Variants in FGF13 observed in about 807,000 individuals in gnomAD.
The protein encoded by FGF13 is fibroblast growth factor homologous factor 2.
FGF13 carries 2 observed loss-of-function variants against 19.5 expected under a neutral mutation model. The ratio of observed to expected loss-of-function variants is 0.10; its 90% CI spans 0.04 to 0.32. The LOEUF (loss-of-function observed/expected upper bound fraction) is 0.32. Among genes scored for constraint, FGF13 ranks in the 10% least tolerant of loss-of-function variants. The pLI is 1.00. For missense variants in FGF13, 113 were observed against 192.7 expected, an observed-to-expected ratio of 0.59 and a Z score of 2.45; for synonymous variants, 72 against 76.9, an observed-to-expected ratio of 0.94 and a Z score of 0.33.
intron 3 of FGF13, among the ~76,000 whole-genome samples, chrX:138,670,231 C>T (rs1019251362): frequency 5.4e-5 from 6 of 111,689 alleles, no homozygotes; most frequent in African/African-American, 1.6e-4. Flanking sequence ...ATTCCAATTT[C>T]GCTACTTTGA....
intron 3 of FGF13, among the ~76,000 whole-genome samples, chrX:138,830,687 T>TTGTGTG (rs144759178): frequency 0.1 from 8,695 of 87,323 alleles, 408 homozygotes; most frequent in South Asian, 0.17. Context: ...AAAGGGGTGT[T>TTGTGTG]TGTGTGTGTG....
chrX:139,170,919 C>T (rs369007524), intron 1 of FGF13, among the ~76,000 whole-genome samples: 64 of 111,734 alleles, frequency 5.7e-4, no homozygotes, highest in African/African-American at 1.7e-3. Context: ...GAAAAAAGTG[C>T]GTTCTGTTAG....
chrX:139,124,369 G>A (rs2083699994), intron 1 of FGF13, among the ~76,000 whole-genome samples: 1 of 111,927 alleles, frequency 8.9e-6, no homozygotes, highest in Non-Finnish European at 1.9e-5. Context: ...ATCAGATATG[G>A]GAATTTAGCT....
chrX:138,663,884 C>T (rs1200884041), intron 3 of FGF13, among the ~76,000 whole-genome samples: 1 of 111,748 alleles, frequency 8.9e-6, no homozygotes. Context: ...CTTCACTCAA[C>T]ATAACTGCAG....
At chrX:138,697,958 CCTT>C (rs1379007128) in intron 3 of FGF13, among the ~76,000 whole-genome samples, 3 of 111,368 alleles carry the variant, frequency 2.7e-5, no homozygotes, top group Non-Finnish European at 5.7e-5. Flanking sequence ...GTGTACAACT[CCTT>C]ATTATTGCTA....
chrX:139,182,444 T>C (rs1437197745), intron 1 of FGF13, among the ~76,000 whole-genome samples: 1 of 112,431 alleles, frequency 8.9e-6, no homozygotes, highest in Non-Finnish European at 1.9e-5. Context: ...TGAAGTGTCA[T>C]AAGGTGGCTT....
At chrX:138,856,327 A>C (rs190322214), downstream of FGF13, among the ~76,000 whole-genome samples, 57 of 111,645 alleles carry the variant, frequency 5.1e-4, 1 homozygote, top group Admixed American at 2.6e-3. Flanking sequence ...GATTGTCTTA[A>C]ACTCTATTTG....
chrX:138,969,801 A>G (rs2091908365), intron 1 of FGF13, among the ~76,000 whole-genome samples: 1 of 112,060 alleles, frequency 8.9e-6, no homozygotes, highest in South Asian at 3.7e-4. Context: ...ACCTGACTCA[A>G]TGACTATATC....
upstream of FGF13, among the ~76,000 whole-genome samples, chrX:138,741,288 A>C (rs2090316372): frequency 8.9e-6 from 1 of 111,971 alleles, no homozygotes; most frequent in East Asian, 2.8e-4. Flanking sequence ...ATAGCTTCTT[A>C]TAATGGCCCT....
intron 1 of FGF13, among the ~76,000 whole-genome samples, chrX:139,044,966 C>T (rs1044849808): frequency 2.7e-5 from 3 of 111,875 alleles, no homozygotes; most frequent in African/African-American, 9.8e-5. Flanking sequence ...GTGGGGCCTT[C>T]GACTCCACAT....
chrX:139,044,919 A>C (rs2092281958), intron 1 of FGF13, among the ~76,000 whole-genome samples: 1 of 111,129 alleles, frequency 9.0e-6, no homozygotes, highest in African/African-American at 3.3e-5. Flanking sequence ...CCCCCATCCC[A>C]CAGCTCCACT....
chrX:138,928,368 T>G (rs1320638599), intron 1 of FGF13, among the ~76,000 whole-genome samples: 2 of 111,083 alleles, frequency 1.8e-5, no homozygotes, highest in African/African-American at 6.5e-5. Context: ...AATATATATC[T>G]TATTTTTGGA....
In FGF13 at chrX:138,703,086, A is replaced by T; in HGVS notation, c.300T>A (p.Thr100=). 8.4e-7 allele frequency: 1 copy of T among 1,183,482 alleles called. No individual in the cohort carries two copies. The highest frequency in any genetic ancestry group is 1.1e-6 in the Non-Finnish European group (1 of 870,387). ...DGTKDEDSTY[T]LFNLIPVGLR... is the part of the protein sequence containing the mutation. ...GACCCACAGGGATGAGGTTAAACAG[A>T]GCTGAAATTAAAAAAGAAAATGAAA... The change falls in exon 3 of 5, where the codon ACT becomes ACA. Residue 100 remains threonine, a splice_region_variant and synonymous_variant. Coordinates refer to ENST00000315930, the MANE Select transcript of FGF13 (RefSeq NM_004114.5).
intron 1 of FGF13, among the ~76,000 whole-genome samples, chrX:138,887,160 C>A (rs1488062200): frequency 9.0e-6 from 1 of 111,572 alleles, no homozygotes; most frequent in Non-Finnish European, 1.9e-5. Flanking sequence ...TCTCAGCATT[C>A]TCATTCGGAA....
intron 1 of FGF13, among the ~76,000 whole-genome samples, chrX:139,097,041 C>T (rs1188321549): frequency 1.8e-5 from 2 of 111,833 alleles, no homozygotes; most frequent in Non-Finnish European, 3.8e-5. Context: ...AAAATATATA[C>T]TAGCATAACT....
chrX:138,940,133 G>A (rs973856945), intron 1 of FGF13, among the ~76,000 whole-genome samples: 3 of 110,937 alleles, frequency 2.7e-5, no homozygotes, highest in African/African-American at 9.8e-5. Flanking sequence ...GAGATGCTAC[G>A]TTATTGTGGT....
At chrX:138,646,979 T>C (rs2089313905) in intron 3 of FGF13, among the ~76,000 whole-genome samples, 1 of 110,994 alleles carries the variant, frequency 9.0e-6, no homozygotes, top group Admixed American at 9.6e-5. Flanking sequence ...TCCACCACCC[T>C]CACCCGTGAA....
chrX:138,934,227 A>G (rs1454214711), intron 1 of FGF13, among the ~76,000 whole-genome samples: 1 of 111,655 alleles, frequency 9.0e-6, no homozygotes, highest in Admixed American at 9.5e-5. Context: ...AGGAACAATT[A>G]TACCATGAGG....
At chrX:139,139,733 A>G (rs894381074) in intron 1 of FGF13, among the ~76,000 whole-genome samples, 10 of 112,241 alleles carry the variant, frequency 8.9e-5, no homozygotes, top group Admixed American at 1.9e-4. Flanking sequence ...CATGCTAAGC[A>G]ATATACTAGT....
Sources: allele counts gnomAD v4.1 joint callset (sites outside exome capture counted in the v4.1 genomes callset), GRCh38; gene constraint gnomAD v4.1.1; transcripts MANE v1.5; gene names NCBI Gene and HGNC (gene_info 2026-07-23, HGNC 2026-07-21).